VXN: variants seen among roughly 807,000 people sequenced by gnomAD.
VXN encodes uncharacterized protein C8orf46.
A neutral mutation model predicts 23.1 loss-of-function variants in VXN; 7 were observed. That is an observed-to-expected ratio of 0.30 (90% CI 0.17 to 0.57). The LOEUF (loss-of-function observed/expected upper bound fraction) is 0.57, where lower values mean the gene tolerates loss of function less well. VXN is among the 20% of genes least tolerant of loss of function. The pLI is 0.91. For missense variants in VXN, 238 were observed against 272.6 expected (o/e 0.87, Z 0.89); for synonymous variants, 120 against 105.8 (o/e 1.13, Z -0.83).
At position 66,510,474 on chromosome 8, in the gene VXN, AC is replaced by A. The variant is rs545656750; in HGVS notation, c.342+321del. 1.0e-3 allele frequency: 260 copies of A among 253,744 alleles called. 1 individual carries two copies. Among genetic ancestry groups the A allele is most frequent in the African/African-American group, 3.9e-3 (170 of 44,052 alleles). The allele number at this position is 253,744 out of a possible 1,614,324, so 15.7% of individuals were successfully genotyped here. Reference sequence around the variant, plus strand: ...AGGATGGACTGGTTTCTATCACAGGACCCCGCCAGGTAGAAATGCCTGACTA... The same window carrying A: ...AGGATGGACTGGTTTCTATCACAGGACCCGCCAGGTAGAAATGCCTGACTA... On this transcript the variant is annotated intron_variant, in intron 4 of 5. Coordinates refer to ENST00000305454, the MANE Select transcript of VXN (RefSeq NM_152765.4).
At chr8:66,500,054 A>G (rs1324622356) in intron 2 of VXN, among the ~76,000 whole-genome samples, 1 of 152,158 alleles carries the variant, frequency 6.6e-6, no homozygotes, top group East Asian at 1.9e-4. Context: ...CGGCTGTATA[A>G]TACAACATTG....
Position 66,505,435 on chromosome 8 carries a change from G to T in VXN, c.187G>T (p.Asp63Tyr), listed in dbSNP as rs1344986770. 6.3e-7 allele frequency: 1 copy of T among 1,576,782 alleles called. No individual in the cohort carries two copies. Among genetic ancestry groups the T allele is most frequent in the Admixed American group, 1.9e-5 (1 of 53,644 alleles). ...QPLELLPHRG[D>Y]RRDPGDRRRF... ...CCTGGAGCTGCTGCCCCACCGCGGA[G>T]ACCGCAGGGACCCTGGCGACCGCCG... The change falls in exon 3 of 6, where the codon GAC (aspartate) becomes TAC (tyrosine). Residue 63 changes from aspartate to tyrosine, a missense_variant. Physicochemically the swap from Asp to Tyr is radical, Grantham distance 160 (BLOSUM62 -3). Transcript: ENST00000305454.
intron 2 of VXN, among the ~76,000 whole-genome samples, chr8:66,498,384 T>C (rs1182661027): frequency 6.6e-6 from 1 of 152,080 alleles, no homozygotes; most frequent in Admixed American, 6.6e-5. Flanking sequence ...GTTTTACTAG[T>C]TGTTGTTTCT....
chr8:66,515,173 T>A (rs1807872880), intron 5 of VXN, among the ~76,000 whole-genome samples: 1 of 152,224 alleles, frequency 6.6e-6, no homozygotes, highest in Non-Finnish European at 1.5e-5. Flanking sequence ...CACTGTGCCA[T>A]GACAGAGGCC....
chr8:66,511,633 C>A (rs1335873787), intron 4 of VXN, among the ~76,000 whole-genome samples: 2 of 152,192 alleles, frequency 1.3e-5, no homozygotes, highest in Non-Finnish European at 2.9e-5. Context: ...AGCTTATGAT[C>A]TTTGACTGCC....
rs1001230063 is a variant in VXN, at chr8:66,505,446, C to A, written c.198C>A (p.Asp66Glu). Reference protein sequence around the residue: ...ELLPHRGDRRDPGDRRRFGRL... With the variant: ...ELLPHRGDRREPGDRRRFGRL... ...TGCCCCACCGCGGAGACCGCAGGGA[C>A]CCTGGCGACCGCCGCAGGTTTGGGC... is the stretch of plus-strand genomic sequence containing the variant. The change falls in exon 3 of 6, where the codon GAC becomes GAA. Residue 66 changes from aspartate to glutamate, a missense_variant. Around this residue, in one of 2 missense-constraint regions of VXN, gnomAD observed 223 missense variants for 236.9 expected, o/e 0.94. Coordinates refer to ENST00000305454, the MANE Select transcript of VXN (RefSeq NM_152765.4). 1 of 1,574,666 alleles carries A rather than the reference C, an allele frequency of 6.4e-7. No homozygotes were observed.
At chr8:66,495,579 T>C (rs1471700659) in intron 1 of VXN, among the ~76,000 whole-genome samples, 1 of 152,256 alleles carries the variant, frequency 6.6e-6, no homozygotes, top group Admixed American at 6.5e-5. Flanking sequence ...ATAATCAACA[T>C]GATCAGTCAA....
At chr8:66,504,116 C>G (rs1397226855) in intron 2 of VXN, among the ~76,000 whole-genome samples, 1 of 152,100 alleles carries the variant, frequency 6.6e-6, no homozygotes, top group East Asian at 1.9e-4. Context: ...TAATGCCACT[C>G]CACTCTCTCC....
At chr8:66,508,672 C>T (rs557033679) in intron 3 of VXN, among the ~76,000 whole-genome samples, 4 of 152,300 alleles carry the variant, frequency 2.6e-5, no homozygotes, top group Non-Finnish European at 4.4e-5. Flanking sequence ...TCAGTCAAGC[C>T]TCCTTAACCC....
intron 2 of VXN, among the ~76,000 whole-genome samples, chr8:66,497,829 C>T (rs1022318703): frequency 6.6e-6 from 1 of 152,100 alleles, no homozygotes; most frequent in African/African-American, 2.4e-5. Context: ...GAATTCGAGG[C>T]CAGCCTGGGC....
intron 3 of VXN, among the ~76,000 whole-genome samples, chr8:66,509,721 A>G (rs1015043131): frequency 2.6e-5 from 4 of 152,222 alleles, no homozygotes; most frequent in African/African-American, 9.6e-5. Flanking sequence ...ATTTTTAAAT[A>G]GACTTTATTT....
Position 66,510,162 on chromosome 8 carries a change from G to A in VXN, c.342+5G>A. 6.2e-7 allele frequency: 1 copy of A among 1,609,956 alleles called. No individual in the cohort carries two copies. The highest frequency in any genetic ancestry group is 1.1e-5 in the South Asian group (1 of 90,452). ...CGAGCATATGGAAAATCTCTGGTAA[G>A]TAAAATAAGCCTGCTTAGTTGTATC... On this transcript the variant is annotated splice_donor_5th_base_variant and intron_variant, in intron 4 of 5. Coordinates refer to ENST00000305454, the MANE Select transcript of VXN (RefSeq NM_152765.4).
At chr8:66,513,490 A>G in intron 4 of VXN, 50 bp from the exon 5 acceptor site, 1 of 1,480,866 alleles carries the variant, frequency 6.8e-7, no homozygotes, top group Non-Finnish European at 9.4e-7. Context: ...TCAGGGCCAG[A>G]GTGGGAAGGC....
At chr8:66,500,552 G>A (rs918979061) in intron 2 of VXN, among the ~76,000 whole-genome samples, 10 of 151,934 alleles carry the variant, frequency 6.6e-5, no homozygotes, top group African/African-American at 2.2e-4. Context: ...TTTAGATTTA[G>A]GGGGTATGTG....
At position 66,505,528 on chromosome 8, in the gene VXN, G is replaced by T. The variant is rs61736276; in HGVS notation, c.280G>T (p.Val94Leu). 2 of 1,501,322 alleles carry T rather than the reference G, an allele frequency of 1.3e-6. No homozygotes were observed. The highest frequency in any genetic ancestry group is 2.3e-5 in the East Asian group (1 of 42,764). 93.0% of individuals were successfully genotyped at this position (1,501,322 alleles called of 1,614,324 possible). ...AHPAKASARP[V>L]GISEPKTSNL... Reference sequence around the variant, plus strand: ...CCCGGCCAAAGCCTCTGCCAGACCCGGTACGTGAGTCCCGGCCCCAGCTCC... The same window carrying T: ...CCCGGCCAAAGCCTCTGCCAGACCCTGTACGTGAGTCCCGGCCCCAGCTCC... Residue 94 changes from valine (V) to leucine (L), a missense_variant and splice_region_variant, in exon 3 of 6, where the codon GTG (valine) becomes TTG (leucine). This residue lies in a region of VXN where 223 missense variants were observed against 236.9 expected (regional missense o/e 0.94). Transcript: ENST00000305454.
rs1376169712 is a variant in VXN at position 66,505,514 on chromosome 8, C to T, written c.266C>T (p.Ala89Val). The change falls in exon 3 of 6, where the codon GCC becomes GTC. Residue 89 changes from alanine (A) to valine (V), a missense_variant. Transcript: ENST00000305454. ...ARPPTAHPAK[A>V]SARPVGISEP... Reference sequence around the variant, plus strand: ...CCGCCCACAGCCCACCCGGCCAAAGCCTCTGCCAGACCCGGTACGTGAGTC... The same window carrying T: ...CCGCCCACAGCCCACCCGGCCAAAGTCTCTGCCAGACCCGGTACGTGAGTC... The T allele has an allele frequency of 1.3e-6, 2 of 1,532,954 alleles. No homozygotes were observed. The highest frequency in any genetic ancestry group is 8.7e-7 in the Non-Finnish European group (1 of 1,144,042). The allele number at this position is 1,532,954 out of a possible 1,614,324, so 95.0% of individuals were successfully genotyped here.
At position 66,508,149 on chromosome 8, in the gene VXN, G is replaced by A. The variant is rs147341136; in HGVS notation, c.281-1947G>A. Among the ~76,000 whole-genome samples, 333 of 152,050 alleles carry A rather than the reference G, an allele frequency of 2.2e-3. 2 individuals are homozygous for A. The highest frequency in any genetic ancestry group is 3.4e-3 in the Admixed American group (52 of 15,282). On this transcript the variant is annotated intron_variant, in intron 3 of 5. Transcript: ENST00000305454. ...TTCTCAGTGGGGGCCATTATCCACC[G>A]TCCCAGCAAATCCCTGGGATGTTTC...
chr8:66,513,741 G>A, intron 5 of VXN, 104 bp downstream of exon 5: 1 of 863,048 alleles, frequency 1.2e-6, no homozygotes, highest in Non-Finnish European at 1.8e-6. Flanking sequence ...CCCTCGAGAG[G>A]CCAACACAAA....
intron 2 of VXN, among the ~76,000 whole-genome samples, chr8:66,504,406 C>G (rs1807724368): frequency 6.6e-6 from 1 of 151,580 alleles, no homozygotes; most frequent in Non-Finnish European, 1.5e-5. Context: ...CCACCACCGC[C>G]CCCCCACCCC....
Sources: allele counts gnomAD v4.1 joint callset (sites outside exome capture counted in the v4.1 genomes callset), GRCh38; gene constraint gnomAD v4.1.1; regional missense constraint gnomAD v4.1.1; transcripts MANE v1.5; gene names NCBI Gene and HGNC (gene_info 2026-07-23, HGNC 2026-07-21).